TNRC6B: variants seen among roughly 807,000 people sequenced by gnomAD.
TNRC6B encodes the protein trinucleotide repeat-containing gene 6B protein.
A neutral mutation model predicts 203.6 loss-of-function variants in TNRC6B; 52 were observed. That is an observed-to-expected ratio of 0.26 (90% CI 0.20 to 0.32). The LOEUF (loss-of-function observed/expected upper bound fraction) is 0.32. TNRC6B is among the 10% of genes least tolerant of loss of function. The pLI is 1.00. For synonymous variants in TNRC6B, 838 were observed against 845.7 expected, an observed-to-expected ratio of 0.99 and a Z score of 0.16; for missense variants, 1,923 against 2,286.2, an observed-to-expected ratio of 0.84 and a Z score of 3.24.
At chr22:40,284,046 A>T (rs1208199299) in intron 11 of TNRC6B, among the ~76,000 whole-genome samples, 3 of 152,236 alleles carry the variant, frequency 2.0e-5, no homozygotes, top group Non-Finnish European at 4.4e-5. Flanking sequence ...CTTGGAGGTG[A>T]TCAGGGTGGC....
chr22:40,243,541 C>T (rs911104074), intron 1 of TNRC6B, among the ~76,000 whole-genome samples: 1 of 152,118 alleles, frequency 6.6e-6, no homozygotes, highest in Non-Finnish European at 1.5e-5. Context: ...TTTTGAAGAA[C>T]GTGTTTGATT....
At chr22:40,127,388 G>A (rs1339088316) in intron 3 of TNRC6B, among the ~76,000 whole-genome samples, 1 of 152,030 alleles carries the variant, frequency 6.6e-6, no homozygotes, top group Non-Finnish European at 1.5e-5. Flanking sequence ...GTTTTCATCA[G>A]ACTCATTTAG....
intron 1 of TNRC6B, among the ~76,000 whole-genome samples, chr22:40,102,930 A>G (rs2068252132): frequency 6.6e-6 from 1 of 152,094 alleles, no homozygotes; most frequent in African/African-American, 2.4e-5. Context: ...TACTAAAATT[A>G]GCTGGGCATG....
At chr22:40,111,304 A>C (rs2068332687) in intron 1 of TNRC6B, among the ~76,000 whole-genome samples, 1 of 148,428 alleles carries the variant, frequency 6.7e-6, no homozygotes, top group South Asian at 2.1e-4. Context: ...CGGGGTGAGC[A>C]GGGACCAGGC....
chr22:40,278,896 A>G (rs1327138155), intron 9 of TNRC6B, among the ~76,000 whole-genome samples: 1 of 152,166 alleles, frequency 6.6e-6, no homozygotes, highest in South Asian at 2.1e-4. Flanking sequence ...GTGTGCCGCC[A>G]CGCACAGCTA....
rs1324973317 is a variant in TNRC6B at position 40,335,119 on chromosome 22, ATT to A, written c.*11880_*11881del. On this transcript the variant is annotated 3_prime_UTR_variant, in exon 23 of 23. Transcript: ENST00000454349. ...GGCAATAGAGGAAGTAGATAATGGG[ATT>A]TAAGGACGCCTGGGGGAGAAAAGGG... is the stretch of plus-strand genomic sequence containing the variant. 1 of 137,852 alleles carries A rather than the reference ATT, an allele frequency of 7.3e-6. No individual in the cohort carries two copies. The highest frequency in any genetic ancestry group is 7.3e-5 in the Admixed American group (1 of 13,772). The allele number at this position is 137,852 out of a possible 1,614,324, so 8.5% of individuals were successfully genotyped here. A position where few individuals can be genotyped will look rare whatever the true frequency, so the allele number is the denominator to read the frequency against.
intron 4 of TNRC6B, among the ~76,000 whole-genome samples, chr22:40,160,988 G>A (rs1386449165): frequency 6.6e-6 from 1 of 151,246 alleles, no homozygotes; most frequent in African/African-American, 2.4e-5. Context: ...CTTTTTTATT[G>A]GATTGTTTTT....
At chr22:40,291,037 C>T (rs1461593192) in intron 12 of TNRC6B, among the ~76,000 whole-genome samples, 1 of 152,064 alleles carries the variant, frequency 6.6e-6, no homozygotes, top group Non-Finnish European at 1.5e-5. Context: ...TTGGATTATT[C>T]TGTCTTTTCC....
intron 1 of TNRC6B, among the ~76,000 whole-genome samples, chr22:40,083,621 A>G (rs746406560): frequency 6.6e-6 from 1 of 152,146 alleles, no homozygotes; most frequent in Non-Finnish European, 1.5e-5. Context: ...GGGGTGATCC[A>G]GGAAACAGTG....
intron 4 of TNRC6B, among the ~76,000 whole-genome samples, chr22:40,167,801 TG>T (rs2068933837): frequency 6.6e-6 from 1 of 150,746 alleles, no homozygotes; most frequent in South Asian, 2.1e-4. Flanking sequence ...GAGGATTGCT[TG>T]AATCTGGCAG....
chr22:40,262,138 G>T lies in TNRC6B; in HGVS notation c.422G>T (p.Gly141Val). ...AACCCAAACAACGCACAAGTGACAGGAGCGCTGCTGCAGAGTGAGAGTGGG... is the reference window on the plus strand; with the variant it reads ...AACCCAAACAACGCACAAGTGACAGTAGCGCTGCTGCAGAGTGAGAGTGGG... Reference protein sequence around the residue: ...GANPNNAQVTGALLQSESGTA... With the variant: ...GANPNNAQVTVALLQSESGTA... Residue 141 changes from glycine (G) to valine (V), a missense_variant, in exon 4 of 23, where the codon GGA becomes GTA. Physicochemically the swap from Gly to Val is moderately radical, Grantham distance 109. Around this residue, in one of 8 missense-constraint regions of TNRC6B, gnomAD observed 614 missense variants for 587.7 expected, o/e 1.04. Transcript: ENST00000454349. 1 of 1,481,422 alleles carries T rather than the reference G, an allele frequency of 6.8e-7. No individual in the cohort carries two copies. Among genetic ancestry groups the T allele is most frequent in the Non-Finnish European group, 9.1e-7 (1 of 1,097,134 alleles). 91.8% of individuals were successfully genotyped at this position (1,481,422 alleles called of 1,614,324 possible). A position where few individuals can be genotyped will look rare whatever the true frequency, so the allele number is the denominator to read the frequency against.
intron 15 of TNRC6B, among the ~76,000 whole-genome samples, chr22:40,307,575 A>G (rs554282193): frequency 8.5e-5 from 13 of 152,106 alleles, no homozygotes; most frequent in African/African-American, 2.9e-4. Flanking sequence ...CGTCATCCAG[A>G]TTCTGCTGTG....
intron 1 of TNRC6B, among the ~76,000 whole-genome samples, chr22:40,181,955 A>AT (rs917364034): frequency 6.6e-6 from 1 of 150,850 alleles, no homozygotes; most frequent in African/African-American, 2.4e-5. Context: ...AGAGAAAAAA[A>AT]AAAAAGCCAG....
chr22:40,162,534 C>A (rs1254371771), intron 4 of TNRC6B, among the ~76,000 whole-genome samples: 1 of 152,188 alleles, frequency 6.6e-6, no homozygotes, highest in Non-Finnish European at 1.5e-5. Context: ...AAAAATATTT[C>A]CAAATCATAG....
intron 4 of TNRC6B, among the ~76,000 whole-genome samples, chr22:40,172,855 T>C (rs2069015506): frequency 6.6e-6 from 1 of 152,224 alleles, no homozygotes; most frequent in Non-Finnish European, 1.5e-5. Context: ...CTCTGGGTTG[T>C]TGTTCCCCTA....
At chr22:40,180,929 A>G (rs557695991) in intron 1 of TNRC6B, among the ~76,000 whole-genome samples, 1 of 152,354 alleles carries the variant, frequency 6.6e-6, no homozygotes, top group South Asian at 2.1e-4. Flanking sequence ...TGCTGGATCA[A>G]CTAGTGATAA....
intron 12 of TNRC6B, among the ~76,000 whole-genome samples, chr22:40,293,766 C>T (rs553689153): frequency 6.6e-6 from 1 of 152,064 alleles, no homozygotes; most frequent in Non-Finnish European, 1.5e-5. Flanking sequence ...ACTGCTGGAG[C>T]CTGAGCATCA....
intron 3 of TNRC6B, among the ~76,000 whole-genome samples, chr22:40,143,721 CTCCTGACCTCGTG>C (rs2068665879): frequency 4.6e-5 from 7 of 152,222 alleles, no homozygotes; most frequent in Non-Finnish European, 1.0e-4. Flanking sequence ...TGGTCTCGAT[CTCCTGACCTCGTG>C]ATCCGCCCGC....
At chr22:40,068,092 A>G (rs1289100067) in intron 1 of TNRC6B, among the ~76,000 whole-genome samples, 1 of 152,112 alleles carries the variant, frequency 6.6e-6, no homozygotes, top group Non-Finnish European at 1.5e-5. Flanking sequence ...TTTGTTTTCC[A>G]GCACCCTAAG....
Sources: gnomAD v4.1 joint callset for allele counts (sites outside exome capture counted in the v4.1 genomes callset) on GRCh38, gnomAD v4.1.1 for gene constraint, gnomAD v4.1.1 regional missense constraint, MANE v1.5 for transcripts, NCBI Gene and HGNC (gene_info 2026-07-23, HGNC 2026-07-21) for gene names.